Variants in TRIO observed in about 807,000 individuals in gnomAD.
TRIO encodes the protein trio Rho guanine nucleotide exchange factor.
In TRIO, 58 loss-of-function variants were observed where a neutral mutation model predicts 351.9. The ratio of observed to expected loss-of-function variants is 0.16; its 90% CI spans 0.13 to 0.21. The LOEUF (loss-of-function observed/expected upper bound fraction) is 0.21. Among genes scored for constraint, TRIO ranks in the 10% least tolerant of loss-of-function variants. TRIO has a pLI of 1.00. For synonymous variants in TRIO, 1,758 were observed against 1,595.7 expected, an observed-to-expected ratio of 1.10 and a Z score of -2.42; for missense variants, 3,201 against 4,027.8, an observed-to-expected ratio of 0.79 and a Z score of 5.56.
At position 14,363,740 on chromosome 5, in the gene TRIO, A is replaced by T. The variant is rs1031656672; in HGVS notation, c.2400A>T (p.Ser800=). Reference sequence around the variant, plus strand: ...TAAATACCTTCTTTCAGATTATCTCAGACCTCGAGTCTTGGAATGATGAGC... The same window carrying T: ...TAAATACCTTCTTTCAGATTATCTCTGACCTCGAGTCTTGGAATGATGAGC... ...IFERDAIDII[S]DLESWNDELS... is the part of the protein sequence containing the mutation. The change falls in exon 14 of 57, where the codon TCA becomes TCT. Residue 800 remains serine, a synonymous_variant. Coordinates refer to ENST00000344204, the MANE Select transcript of TRIO (RefSeq NM_007118.4). 2 of 1,613,390 alleles carry T rather than the reference A, an allele frequency of 1.2e-6. No individual in the cohort carries two copies. The highest frequency in any genetic ancestry group is 2.7e-5 in the African/African-American group (2 of 74,884).
chr5:14,503,402 C>T (rs1410395490), intron 54 of TRIO, among the ~76,000 whole-genome samples: 3 of 150,358 alleles, frequency 2.0e-5, no homozygotes, highest in Non-Finnish European at 4.5e-5. Context: ...CCAGCACATG[C>T]TGTCTTAGGA....
intron 52 of TRIO, 70 bp from the exon 53 acceptor site, chr5:14,498,446 AAGG>A (rs1156873230): frequency 2.4e-5 from 38 of 1,557,870 alleles, no homozygotes; most frequent in Admixed American, 1.9e-5. Context: ...CTTGATCCTG[AAGG>A]AGGAGGCCAG....
At chr5:14,298,456 A>G (rs1037269542) in intron 7 of TRIO, among the ~76,000 whole-genome samples, 1 of 152,324 alleles carries the variant, frequency 6.6e-6, no homozygotes, top group South Asian at 2.1e-4. Flanking sequence ...ATATCAGTAT[A>G]TCTTCCTCAG....
chr5:14,379,129 T>TTCTGTGTGTGGTC (rs1313621008), intron 20 of TRIO, among the ~76,000 whole-genome samples: 38 of 152,290 alleles, frequency 2.5e-4, no homozygotes, highest in African/African-American at 8.9e-4. Context: ...GAGAAGGTGA[T>TTCTGTGTGTGGTC]TCCCCCAGCG....
chr5:14,261,842 C>T (rs1002890295), intron 1 of TRIO, among the ~76,000 whole-genome samples: 6 of 152,096 alleles, frequency 3.9e-5, no homozygotes, highest in Non-Finnish European at 5.9e-5. Flanking sequence ...AGGTAAAAAC[C>T]CTTTTCTCCT....
chr5:14,293,989 A>T (rs1737128804), intron 6 of TRIO, among the ~76,000 whole-genome samples: 1 of 143,346 alleles, frequency 7.0e-6, no homozygotes, highest in Non-Finnish European at 1.5e-5. Flanking sequence ...CGGCCTGGGC[A>T]ACACAGCAAG....
intron 1 of TRIO, among the ~76,000 whole-genome samples, chr5:14,177,573 A>G (rs1789483674): frequency 6.6e-6 from 1 of 152,224 alleles, no homozygotes; most frequent in African/African-American, 2.4e-5. Context: ...TAGGAAATTT[A>G]AGAACAACAA....
intron 34 of TRIO, among the ~76,000 whole-genome samples, chr5:14,455,432 C>T (rs948848866): frequency 1.3e-5 from 2 of 150,736 alleles, no homozygotes; most frequent in Admixed American, 6.6e-5. Context: ...CACAGAGCAG[C>T]GATTGGTGCA....
chr5:14,502,579 G>A lies in TRIO; in HGVS notation c.8333G>A (p.Gly2778Asp), dbSNP rs1016603860. 1.1e-5 allele frequency: 18 copies of A among 1,614,020 alleles called. No individual in the cohort carries two copies. The highest frequency in any genetic ancestry group is 4.0e-5 in the African/African-American group (3 of 74,920). ...CAGGCAGGTGCTGTTCTTCTTGCAG[G>A]TCCAGGGATGGATGGGATCATGGTG... is the stretch of plus-strand genomic sequence containing the variant. Reference protein sequence around the residue: ...ASSSASLRVLGPGMDGIMVTW... With the variant: ...ASSSASLRVLDPGMDGIMVTW... The change falls in exon 54 of 57, where the codon GGT (glycine) becomes GAT (aspartate). Residue 2778 changes from glycine (G) to aspartate (D), a missense_variant and splice_region_variant. Gly to Asp is a moderately conservative substitution (Grantham distance 94). Coordinates refer to ENST00000344204, the MANE Select transcript of TRIO (RefSeq NM_007118.4).
At chr5:14,297,342 C>T in intron 7 of TRIO, 79 bp downstream of exon 7, 4 of 1,479,946 alleles carry the variant, frequency 2.7e-6, no homozygotes, top group Admixed American at 2.0e-5. Flanking sequence ...TGTGTGCAAA[C>T]ACTCTTGTGT....
At chr5:14,444,860 TATTAAA>T (rs1053034342) in intron 34 of TRIO, among the ~76,000 whole-genome samples, 2 of 152,176 alleles carry the variant, frequency 1.3e-5, no homozygotes, top group African/African-American at 4.8e-5. Flanking sequence ...TTGAAGTTAA[TATTAAA>T]ATTAGACTGA....
rs146710788 is a variant in TRIO at position 14,508,078 on chromosome 5, G to A, written c.8950G>A (p.Val2984Ile). The A allele has an allele frequency of 1.9e-5, 31 of 1,614,080 alleles. No individual in the cohort carries two copies. In the South Asian group the frequency reaches 2.1e-4, roughly 11 times the overall value. Residue 2984 changes from valine (V) to isoleucine (I), a missense_variant, in exon 57 of 57, where the codon GTA becomes ATA. By Grantham distance (29) the Val-to-Ile change is conservative. Around this residue, in one of 19 missense-constraint regions of TRIO, gnomAD observed 233 missense variants for 292.6 expected, o/e 0.80. Transcript: ENST00000344204. ...GTGGAGTGTTGGAGTGCTCACATACGTACTTCTTAGTGGCGTGTCCCCCTT... is the reference window on the plus strand; with the variant it reads ...GTGGAGTGTTGGAGTGCTCACATACATACTTCTTAGTGGCGTGTCCCCCTT... ...DTWSVGVLTYVLLSGVSPFLD... is the reference protein window; with the variant it reads ...DTWSVGVLTYILLSGVSPFLD...
chr5:14,403,684 G>T lies in TRIO; in HGVS notation c.4717-2164G>T, dbSNP rs1322974158. On this transcript the variant is annotated intron_variant, in intron 31 of 56. Transcript: ENST00000344204. ...TGCAGGTGGTGGTGAGGGTGCAGGTGGTGGTGAGGGTGTAGGTTGTGGTGA... is the reference window on the plus strand; with the variant it reads ...TGCAGGTGGTGGTGAGGGTGCAGGTTGTGGTGAGGGTGTAGGTTGTGGTGA... Among the ~76,000 whole-genome samples the T allele has an allele frequency of 3.5e-3, 397 of 113,046 alleles. 8 individuals carry two copies. The highest frequency in any genetic ancestry group is 0.015 in the African/African-American group (348 of 23,080). 74.2% of individuals were successfully genotyped at this position (113,046 alleles called of 152,430 possible).
chr5:14,292,740 G>C (rs951763262), intron 5 of TRIO, among the ~76,000 whole-genome samples: 1 of 152,196 alleles, frequency 6.6e-6, no homozygotes, highest in Non-Finnish European at 1.5e-5. Context: ...TTTTTAATCA[G>C]CCTGGGGGAT....
chr5:14,488,303 C>G, intron 48 of TRIO, 43 bp downstream of exon 48: 1 of 1,517,648 alleles, frequency 6.6e-7, no homozygotes, highest in Non-Finnish European at 8.8e-7. Context: ...CCCCCTGCCT[C>G]TGTCCCGCCA....
Position 14,389,277 on chromosome 5 carries a change from CCT to C in TRIO, c.3949-8_3949-7del. 1 of 1,584,706 alleles carries C rather than the reference CCT, an allele frequency of 6.3e-7. No individual in the cohort carries two copies. Among genetic ancestry groups the C allele is most frequent in the Non-Finnish European group, 8.6e-7 (1 of 1,168,464 alleles). On this transcript the variant is annotated splice_polypyrimidine_tract_variant and intron_variant, in intron 24 of 56. Transcript: ENST00000344204. ...ATTATTTTTGTCTAATCCCTGTTTC[CCT>C]CTCGGCTAGACGTACCTGTGGGAAA...
At chr5:14,432,781 C>G (rs1275745411) in intron 34 of TRIO, among the ~76,000 whole-genome samples, 6 of 152,036 alleles carry the variant, frequency 3.9e-5, no homozygotes, top group Non-Finnish European at 7.4e-5. Context: ...GATTTTTGCC[C>G]CAAAACTATT....
At chr5:14,339,316 A>G (rs777555206) in intron 11 of TRIO, among the ~76,000 whole-genome samples, 33 of 152,338 alleles carry the variant, frequency 2.2e-4, no homozygotes, top group Middle Eastern at 3.4e-3. Flanking sequence ...TTAAGGAACA[A>G]TCTTCTAATA....
intron 1 of TRIO, among the ~76,000 whole-genome samples, chr5:14,224,709 A>C (rs1323940395): frequency 6.6e-6 from 1 of 152,146 alleles, no homozygotes; most frequent in East Asian, 1.9e-4. Flanking sequence ...GCCAGAAATG[A>C]TTGTCGTTAG....
Sources: allele counts gnomAD v4.1 joint callset (sites outside exome capture counted in the v4.1 genomes callset), GRCh38; gene constraint gnomAD v4.1.1; regional missense constraint gnomAD v4.1.1; transcripts MANE v1.5; gene names NCBI Gene and HGNC (gene_info 2026-07-23, HGNC 2026-07-21).